EIF4E3: variants seen among roughly 807,000 people sequenced by gnomAD.
The protein encoded by EIF4E3 is eukaryotic translation initiation factor 4E type 3.
A neutral mutation model predicts 31.7 loss-of-function variants in EIF4E3; 26 were observed. The ratio of observed to expected loss-of-function variants is 0.82; its 90% CI spans 0.60 to 1.14. The LOEUF (loss-of-function observed/expected upper bound fraction) is 1.14, where lower values mean the gene tolerates loss of function less well. Among genes scored for constraint, EIF4E3 ranks in the 50% most tolerant of loss-of-function variants. The probability of loss-of-function intolerance (pLI) is 0.00; values close to 1 mark genes in which losing one functional copy is unlikely to be tolerated. For missense variants in EIF4E3, 304 were observed against 270.9 expected (o/e 1.12, Z -0.86); for synonymous variants, 128 against 107.7 (o/e 1.19, Z -1.17).
Position 71,725,210 on chromosome 3 carries a change from C to T in EIF4E3, c.158G>A (p.Trp53Ter). The part of the protein sequence containing the change: ...EPGGVPLHSS[W>*]TFWLDRSLPG... ...CCCTCACCTGTCGAGCCAGAAGGTC[C>T]AGGACGAGTGCAGCGGGACCCCGCC... Residue 53 changes from tryptophan (W) to a stop codon, truncating the protein, a stop_gained, in exon 1 of 7, where the codon TGG becomes TAG. Transcript: ENST00000425534. LOFTEE classifies it high-confidence loss of function. The surrounding 1 kb of genome is among the most constrained non-coding windows in gnomAD (Gnocchi z 6.1). 8.7e-7 allele frequency: 1 copy of T among 1,143,394 alleles called. No individual in the cohort carries two copies. Among genetic ancestry groups the T allele is most frequent in the Non-Finnish European group, 1.1e-6 (1 of 924,528 alleles). 70.8% of individuals were successfully genotyped at this position (1,143,394 alleles called of 1,614,324 possible).
At chr3:71,747,014 AT>A (rs1173291918) in intron 1 of EIF4E3, among the ~76,000 whole-genome samples, 2 of 152,158 alleles carry the variant, frequency 1.3e-5, no homozygotes, top group Admixed American at 6.5e-5. Flanking sequence ...ATGACATTTT[AT>A]TTATCCATCC....
intron 1 of EIF4E3, among the ~76,000 whole-genome samples, chr3:71,742,995 C>T (rs781164381): frequency 2.0e-5 from 3 of 152,124 alleles, no homozygotes; most frequent in Non-Finnish European, 4.4e-5. Flanking sequence ...TGGAAGGGAA[C>T]TTCCTCATCT....
chr3:71,672,740 T>C (rs1485467425), downstream of EIF4E3, among the ~76,000 whole-genome samples: 1 of 152,192 alleles, frequency 6.6e-6, no homozygotes, highest in East Asian at 1.9e-4. Context: ...ATCGAACAAG[T>C]TCTTCTCCGC....
chr3:71,753,931 C>G (rs1319781336), upstream of EIF4E3: 3 of 1,006,922 alleles, frequency 3.0e-6, no homozygotes, highest in Admixed American at 1.2e-4. Flanking sequence ...GGCTGAGCCC[C>G]GCAGGACGGG....
In EIF4E3 at chr3:71,677,212, T is replaced by C. The variant is rs552275872; in HGVS notation, c.*7470A>G. 27 of 152,196 alleles carry C rather than the reference T, an allele frequency of 1.8e-4. No homozygotes were observed. The highest frequency in any genetic ancestry group is 3.1e-4 in the Non-Finnish European group (21 of 68,024). 9.4% of individuals were successfully genotyped at this position (152,196 alleles called of 1,614,324 possible). A position where few individuals can be genotyped will look rare whatever the true frequency, so the allele number is the denominator to read the frequency against. On this transcript the variant is annotated 3_prime_UTR_variant, in exon 7 of 7. Transcript: ENST00000425534. ...TCAGCACCACAGCCTAGCCAGATGATGGGAAATAGAAACATATTTTAATGA... is the reference window on the plus strand; with the variant it reads ...TCAGCACCACAGCCTAGCCAGATGACGGGAAATAGAAACATATTTTAATGA...
chr3:71,667,766 A>G, the EIF4E3 span, among the ~76,000 whole-genome samples: 1 of 152,218 alleles, frequency 6.6e-6, no homozygotes, highest in African/African-American at 2.4e-5. Flanking sequence ...ACACAAACAA[A>G]TGGAAAAATA....
chr3:71,723,809 G>A (rs992463134), intron 1 of EIF4E3, among the ~76,000 whole-genome samples: 2 of 152,110 alleles, frequency 1.3e-5, no homozygotes, highest in African/African-American at 2.4e-5. Flanking sequence ...ACAGTATAAT[G>A]CTCTCTTAGC....
At chr3:71,659,780 A>G in the EIF4E3 span, among the ~76,000 whole-genome samples, 1 of 152,242 alleles carries the variant, frequency 6.6e-6, no homozygotes, top group Non-Finnish European at 1.5e-5. Context: ...TCCATCAGGT[A>G]TTAATATTTG....
At position 71,725,296 on chromosome 3, in the gene EIF4E3, A is replaced by AGCGGCG. The variant is rs1333596434; in HGVS notation, c.66_71dup (p.Ala26_Ala27dup). The AGCGGCG allele has an allele frequency of 3.0e-6, 3 of 998,994 alleles. No homozygotes were observed. Among genetic ancestry groups the AGCGGCG allele is most frequent in the East Asian group, 1.0e-4 (1 of 9,886 alleles). The allele number at this position is 998,994 out of a possible 1,614,324, so 61.9% of individuals were successfully genotyped here. A position where few individuals can be genotyped will look rare whatever the true frequency, so the allele number is the denominator to read the frequency against. On this transcript the variant is annotated inframe_insertion, in exon 1 of 7. Coordinates refer to ENST00000425534, the MANE Select transcript of EIF4E3 (RefSeq NM_001134651.2). The surrounding 1 kb of genome is among the most constrained non-coding windows in gnomAD (Gnocchi z 6.1). ...CGAGCGGCGGCTCGGGGGCGGCGGC[A>AGCGGCG]GCGGCGGCGGCGCGGGACCCCGGCG...
intron 2 of EIF4E3, among the ~76,000 whole-genome samples, chr3:71,708,287 G>A (rs2049323458): frequency 1.3e-5 from 2 of 152,306 alleles, no homozygotes; most frequent in South Asian, 4.1e-4. Context: ...AATGTAATGT[G>A]GTAGAAATGA....
At chr3:71,739,635 T>C (rs186372412) in intron 1 of EIF4E3, among the ~76,000 whole-genome samples, 266 of 152,082 alleles carry the variant, frequency 1.7e-3, no homozygotes, top group African/African-American at 5.9e-3. Context: ...AGATTGAGGC[T>C]GCGGTGAGCC....
intron 2 of EIF4E3, among the ~76,000 whole-genome samples, chr3:71,700,633 AT>A (rs1307835063): frequency 6.8e-5 from 10 of 147,402 alleles, no homozygotes; most frequent in East Asian, 2.0e-4. Flanking sequence ...AAAAAAAAAA[AT>A]CAACCCTGTC....
Position 71,679,249 on chromosome 3 carries a change from C to T in EIF4E3, c.*5433G>A, listed in dbSNP as rs1057435596. 2.6e-5 allele frequency: 4 copies of T among 152,160 alleles called. No homozygotes were observed. Among genetic ancestry groups the T allele is most frequent in the African/African-American group, 9.7e-5 (4 of 41,442 alleles). 9.4% of individuals were successfully genotyped at this position (152,160 alleles called of 1,614,324 possible). A position where few individuals can be genotyped will look rare whatever the true frequency, so the allele number is the denominator to read the frequency against. On this transcript the variant is annotated 3_prime_UTR_variant, in exon 7 of 7. Coordinates refer to ENST00000425534, the MANE Select transcript of EIF4E3 (RefSeq NM_001134651.2). ...TTGTATGTGAAAAGATGAGAGGTAG[C>T]ATAAATTTTCTATAGAAAACTCAGA... is the stretch of plus-strand genomic sequence containing the variant.
rs2048944786 is a variant in EIF4E3, at chr3:71,683,212, T to C, written c.*1470A>G. The C allele has an allele frequency of 6.6e-6, 1 of 152,214 alleles. No homozygotes were observed. The highest frequency in any genetic ancestry group is 2.4e-5 in the African/African-American group (1 of 41,458). The allele number at this position is 152,214 out of a possible 1,614,324, so 9.4% of individuals were successfully genotyped here. On this transcript the variant is annotated 3_prime_UTR_variant, in exon 7 of 7. Transcript: ENST00000425534. ...TAATGTTCAAAGTCCTTTAAAATGT[T>C]TGAATGGAGAATTTTATCTACAAAC...
downstream of EIF4E3, among the ~76,000 whole-genome samples, chr3:71,671,573 G>A (rs1488119394): frequency 1.3e-5 from 2 of 152,194 alleles, no homozygotes; most frequent in Non-Finnish European, 2.9e-5. Flanking sequence ...TTCAAACTGA[G>A]TGTCAGAAAT....
chr3:71,667,305 G>T, the EIF4E3 span, among the ~76,000 whole-genome samples: 1 of 148,946 alleles, frequency 6.7e-6, no homozygotes. Flanking sequence ...ATACTGAATG[G>T]GCAAAAGCTG....
Position 71,680,878 on chromosome 3 carries a change from C to G in EIF4E3, c.*3804G>C, listed in dbSNP as rs2048914654. ...CAATTCACAGGCAGTCCTCTACTTT[C>G]ACTTGTAATGAGTAAAATCTCACAG... On this transcript the variant is annotated 3_prime_UTR_variant, in exon 7 of 7. Transcript: ENST00000425534. 1 of 152,150 alleles carries G rather than the reference C, an allele frequency of 6.6e-6. No individual in the cohort carries two copies. The highest frequency in any genetic ancestry group is 1.9e-4 in the East Asian group (1 of 5,192). The allele number at this position is 152,150 out of a possible 1,614,324, so 9.4% of individuals were successfully genotyped here. A position where few individuals can be genotyped will look rare whatever the true frequency, so the allele number is the denominator to read the frequency against.
chr3:71,692,981 T>G (rs2049084614), intron 5 of EIF4E3, among the ~76,000 whole-genome samples: 1 of 152,144 alleles, frequency 6.6e-6, no homozygotes, highest in Non-Finnish European at 1.5e-5. Flanking sequence ...GAGATGAATC[T>G]GAAATGTGCC....
upstream of EIF4E3, chr3:71,754,307 G>A: frequency 8.6e-7 from 1 of 1,156,220 alleles, no homozygotes; most frequent in Non-Finnish European, 1.1e-6. The surrounding 1 kb of genome is among the most constrained non-coding windows in gnomAD (Gnocchi z 5.8). Context: ...CGGCCGCGGC[G>A]GGGGCGCCGC....
Sources: gnomAD v4.1 joint callset for allele counts (sites outside exome capture counted in the v4.1 genomes callset) on GRCh38, gnomAD v4.1.1 for gene constraint, Gnocchi (gnomAD v3.1) non-coding constraint, MANE v1.5 for transcripts, NCBI Gene and HGNC (gene_info 2026-07-23, HGNC 2026-07-21) for gene names.